FZD3: variants seen among roughly 807,000 people sequenced by gnomAD.
FZD3 encodes the protein frizzled class receptor 3.
In FZD3, 30 loss-of-function variants were observed where a neutral mutation model predicts 60.7. That is an observed-to-expected ratio of 0.49 (90% confidence interval 0.37 to 0.67). FZD3 has a LOEUF of 0.67. FZD3 is among the 30% of genes least tolerant of loss of function. The pLI is 0.00. For synonymous variants in FZD3, 246 were observed against 275.2 expected (o/e 0.89, Z 1.05); for missense variants, 605 against 838.7 (o/e 0.72, Z 3.44).
rs538356806 is a variant in FZD3, at chr8:28,569,322, A to G, written c.*6311A>G. On this transcript the variant is annotated 3_prime_UTR_variant, in exon 8 of 8. Transcript: ENST00000240093. ...GTATTATTTTATTTTTAAAAATACA[A>G]TAGGATTTTGAGTCAGGAAACTTGA... 2.6e-5 allele frequency: 4 copies of G among 152,036 alleles called. No homozygotes were observed. The highest frequency in any genetic ancestry group is 1.9e-4 in the East Asian group (1 of 5,182). The allele number at this position is 152,036 out of a possible 1,614,324, so 9.4% of individuals were successfully genotyped here.
rs1327316197 is a variant in FZD3, at chr8:28,572,541, T to C, written c.*9530T>C. On this transcript the variant is annotated 3_prime_UTR_variant, in exon 8 of 8. Coordinates refer to ENST00000240093, the MANE Select transcript of FZD3 (RefSeq NM_017412.4). The stretch of plus-strand genomic sequence containing the variant: ...GAAGTATATATGTTACATAAGACTT[T>C]CACTAAATCTGTGCGTAAAGCTTTT... 6.6e-6 allele frequency: 1 copy of C among 152,204 alleles called. No individual in the cohort carries two copies. Among genetic ancestry groups the C allele is most frequent in the Non-Finnish European group, 1.5e-5 (1 of 68,028 alleles). The allele number at this position is 152,204 out of a possible 1,614,324, so 9.4% of individuals were successfully genotyped here. A position where few individuals can be genotyped will look rare whatever the true frequency, so the allele number is the denominator to read the frequency against.
Position 28,520,624 on chromosome 8 carries a change from T to A in FZD3, c.190-14T>A. On this transcript the variant is annotated splice_polypyrimidine_tract_variant and intron_variant, in intron 3 of 7. Transcript: ENST00000240093. Reference sequence around the variant, plus strand: ...AGCTCTTTAACTAATTATTCAATTTTAACTTTTCCCTAGCCATTCCACCCT... The same window carrying A: ...AGCTCTTTAACTAATTATTCAATTTAAACTTTTCCCTAGCCATTCCACCCT... The A allele has an allele frequency of 6.7e-7, 1 of 1,502,746 alleles. No homozygotes were observed. 93.1% of individuals were successfully genotyped at this position (1,502,746 alleles called of 1,614,324 possible).
Position 28,568,287 on chromosome 8 carries a change from T to G in FZD3, c.*5276T>G, listed in dbSNP as rs1805740371. On this transcript the variant is annotated 3_prime_UTR_variant, in exon 8 of 8. Coordinates refer to ENST00000240093, the MANE Select transcript of FZD3 (RefSeq NM_017412.4). ...GTAGCTGTATAATCTTACACATTAT[T>G]CTTATATAATTTTGACCTATTTTAT... 6.6e-6 allele frequency: 1 copy of G among 152,160 alleles called. No individual in the cohort carries two copies. The allele number at this position is 152,160 out of a possible 1,614,324, so 9.4% of individuals were successfully genotyped here.
intron 7 of FZD3, among the ~76,000 whole-genome samples, chr8:28,558,858 T>G (rs1185233489): frequency 2.6e-5 from 4 of 152,202 alleles, no homozygotes; most frequent in Non-Finnish European, 5.9e-5. Flanking sequence ...TAGGAGCATA[T>G]AACCTTATAG....
Position 28,565,587 on chromosome 8 carries a change from C to T in FZD3, c.*2576C>T, listed in dbSNP as rs1020740801. ...GGCCAAGTATAGACAGTTAAGTGAA[C>T]ATCACTATGAAAATCTTAACTTTGT... On this transcript the variant is annotated 3_prime_UTR_variant, in exon 8 of 8. Coordinates refer to ENST00000240093, the MANE Select transcript of FZD3 (RefSeq NM_017412.4). 3 of 152,104 alleles carry T rather than the reference C, an allele frequency of 2.0e-5. No individual in the cohort carries two copies. Among genetic ancestry groups the T allele is most frequent in the African/African-American group, 7.2e-5 (3 of 41,430 alleles). 9.4% of individuals were successfully genotyped at this position (152,104 alleles called of 1,614,324 possible).
At chr8:28,515,223 A>C (rs1200797653) in intron 3 of FZD3, among the ~76,000 whole-genome samples, 1 of 152,220 alleles carries the variant, frequency 6.6e-6, no homozygotes, top group Non-Finnish European at 1.5e-5. Flanking sequence ...ACAGCACCAA[A>C]GTATGTTACC....
Position 28,503,162 on chromosome 8 carries a change from T to C in FZD3, c.149T>C (p.Leu50Pro). The change falls in exon 3 of 8, where the codon CTG becomes CCG. Residue 50 changes from leucine (L) to proline (P), a missense_variant. Transcript: ENST00000240093. ...PYNTTFMPNL[L>P]NHYDQQTAAL... Reference sequence around the variant, plus strand: ...AATACTACCTTCATGCCTAATCTTCTGAATCATTATGACCAACAGACAGCA... The same window carrying C: ...AATACTACCTTCATGCCTAATCTTCCGAATCATTATGACCAACAGACAGCA... 1 of 1,613,420 alleles carries C rather than the reference T, an allele frequency of 6.2e-7. No individual in the cohort carries two copies. Among genetic ancestry groups the C allele is most frequent in the Non-Finnish European group, 8.5e-7 (1 of 1,179,382 alleles).
In FZD3 at chr8:28,527,910, G is replaced by A; in HGVS notation, c.1150G>A (p.Val384Ile). Residue 384 changes from valine to isoleucine, a missense_variant, in exon 5 of 8, where the codon GTA becomes ATA. Coordinates refer to ENST00000240093, the MANE Select transcript of FZD3 (RefSeq NM_017412.4). This position sits in a 1 kb window ranked among gnomAD's most constrained non-coding sequence, Gnocchi z 5.0. ...FVLAPLCLYVVVGVSLLLAGI... is the reference protein window; with the variant it reads ...FVLAPLCLYVIVGVSLLLAGI... ...TCTTGCTCCCCTCTGCCTGTATGTG[G>A]TAGTTGGGGTTTCTCTCCTCTTAGC... 6.2e-7 allele frequency: 1 copy of A among 1,614,098 alleles called. No individual in the cohort carries two copies. Among genetic ancestry groups the A allele is most frequent in the Non-Finnish European group, 8.5e-7 (1 of 1,179,974 alleles).
chr8:28,504,550 G>A (rs1364292630), intron 3 of FZD3, among the ~76,000 whole-genome samples: 1 of 152,148 alleles, frequency 6.6e-6, no homozygotes, highest in South Asian at 2.1e-4. Context: ...TCAACTTTTG[G>A]CTCTGCCATG....
At position 28,563,761 on chromosome 8, in the gene FZD3, G is replaced by C. The variant is rs1805657945; in HGVS notation, c.*750G>C. ...TTATAACTTATCCATATGCATGATG[G>C]AAAAATTTTAATTTGTAGCCATCTT... On this transcript the variant is annotated 3_prime_UTR_variant, in exon 8 of 8. Transcript: ENST00000240093. 6.6e-6 allele frequency: 1 copy of C among 152,504 alleles called. No individual in the cohort carries two copies. Among genetic ancestry groups the C allele is most frequent in the African/African-American group, 2.4e-5 (1 of 41,398 alleles). 9.4% of individuals were successfully genotyped at this position (152,504 alleles called of 1,614,324 possible). A position where few individuals can be genotyped will look rare whatever the true frequency, so the allele number is the denominator to read the frequency against.
At chr8:28,531,969 A>G (rs1804887578) in intron 5 of FZD3, among the ~76,000 whole-genome samples, 2 of 152,094 alleles carry the variant, frequency 1.3e-5, no homozygotes, top group South Asian at 4.1e-4. Flanking sequence ...AGCAGTTTCT[A>G]CAATTTGCTT....
In FZD3 at chr8:28,565,976, C is replaced by A. The variant is rs1805698185; in HGVS notation, c.*2965C>A. ...TCAAAAAGTACTTTGATTTCAGCAACTTTTTTTATTCAATAACTAGACAAA... is the reference window on the plus strand; with the variant it reads ...TCAAAAAGTACTTTGATTTCAGCAAATTTTTTTATTCAATAACTAGACAAA... On this transcript the variant is annotated 3_prime_UTR_variant, in exon 8 of 8. Coordinates refer to ENST00000240093, the MANE Select transcript of FZD3 (RefSeq NM_017412.4). 6.6e-6 allele frequency: 1 copy of A among 151,816 alleles called. No homozygotes were observed. The highest frequency in any genetic ancestry group is 2.4e-5 in the African/African-American group (1 of 41,334). 9.4% of individuals were successfully genotyped at this position (151,816 alleles called of 1,614,324 possible). A position where few individuals can be genotyped will look rare whatever the true frequency, so the allele number is the denominator to read the frequency against.
chr8:28,502,051 A>T (rs1046288065), intron 2 of FZD3, among the ~76,000 whole-genome samples: 1 of 152,190 alleles, frequency 6.6e-6, no homozygotes, highest in Admixed American at 6.5e-5. Context: ...GTACTTTTGC[A>T]TACATTATCT....
At chr8:28,548,310 TTTAA>T (rs1193185880) in intron 5 of FZD3, among the ~76,000 whole-genome samples, 3 of 152,160 alleles carry the variant, frequency 2.0e-5, no homozygotes, top group African/African-American at 7.2e-5. Context: ...TTTGTTTTTA[TTTAA>T]TTATTTATTT....
chr8:28,509,773 T>C (rs909416102), intron 3 of FZD3, among the ~76,000 whole-genome samples: 1 of 152,242 alleles, frequency 6.6e-6, no homozygotes, highest in Non-Finnish European at 1.5e-5. Flanking sequence ...GGAATTTTCT[T>C]ATTTTTTTAA....
At chr8:28,558,980 G>A (rs966536597) in intron 7 of FZD3, among the ~76,000 whole-genome samples, 9 of 152,140 alleles carry the variant, frequency 5.9e-5, no homozygotes, top group Admixed American at 2.6e-4. Context: ...CACAAGCCAG[G>A]AATATAATTA....
intron 5 of FZD3, among the ~76,000 whole-genome samples, chr8:28,544,454 T>A (rs1015316783): frequency 6.6e-6 from 1 of 152,204 alleles, no homozygotes; most frequent in African/African-American, 2.4e-5. Flanking sequence ...CACTATATAC[T>A]GTAGATATTA....
chr8:28,495,688 T>C (rs1585933984), intron 1 of FZD3, among the ~76,000 whole-genome samples: 1 of 151,940 alleles, frequency 6.6e-6, no homozygotes, highest in Admixed American at 6.5e-5. Context: ...ATCAATACTA[T>C]CTTTTTCCTC....
rs1205153730 is a variant in FZD3 at position 28,572,231 on chromosome 8, TTGC to T, written c.*9223_*9225del. On this transcript the variant is annotated 3_prime_UTR_variant, in exon 8 of 8. Transcript: ENST00000240093. ...CAGCATTATTCTGAACTATCTGAAATTGCTGGTTTTATTGGTCAAAAATGATCA... is the reference window on the plus strand; with the variant it reads ...CAGCATTATTCTGAACTATCTGAAATTGGTTTTATTGGTCAAAAATGATCA... 6.6e-6 allele frequency: 1 copy of T among 152,174 alleles called. No individual in the cohort carries two copies. Among genetic ancestry groups the T allele is most frequent in the Non-Finnish European group, 1.5e-5 (1 of 68,030 alleles). The allele number at this position is 152,174 out of a possible 1,614,324, so 9.4% of individuals were successfully genotyped here. A position where few individuals can be genotyped will look rare whatever the true frequency, so the allele number is the denominator to read the frequency against.
Sources: gnomAD v4.1 joint callset for allele counts (sites outside exome capture counted in the v4.1 genomes callset) on GRCh38, gnomAD v4.1.1 for gene constraint, Gnocchi (gnomAD v3.1) non-coding constraint, MANE v1.5 for transcripts, NCBI Gene and HGNC (gene_info 2026-07-23, HGNC 2026-07-21) for gene names.